The following SLC25A48 variants were observed in gnomAD, a reference collection of about 807,000 sequenced individuals.
The protein encoded by SLC25A48 is solute carrier family 25 member 48, also known as CTC-321K16.1.
SLC25A48 carries 29 observed loss-of-function variants against 32.2 expected under a neutral mutation model. The ratio of observed to expected loss-of-function variants is 0.90; its 90% confidence interval spans 0.67 to 1.23. The LOEUF (loss-of-function observed/expected upper bound fraction) is 1.23, where lower values mean the gene tolerates loss of function less well. Ranked by LOEUF, SLC25A48 falls within the 50% of genes most tolerant of loss-of-function variation. The pLI is 0.00. For missense variants in SLC25A48, 399 were observed against 422.7 expected, an observed-to-expected ratio of 0.94 and a Z score of 0.49; for synonymous variants, 164 against 172.3, an observed-to-expected ratio of 0.95 and a Z score of 0.38.
intron 3 of SLC25A48, among the ~76,000 whole-genome samples, chr5:135,756,476 C>G (rs1755909618): frequency 6.6e-6 from 1 of 151,958 alleles, no homozygotes; most frequent in South Asian, 2.1e-4. Context: ...GAGTTTGAGA[C>G]CAGCCTGGCC....
rs1756733525 is a variant in SLC25A48, at chr5:135,782,306, G to T, written c.-520-30217G>T. ...ATGGTGTTGTTTTCAATATCTAGGT[G>T]GGGAGAAGATAATATTACTTTTAAT... On this transcript the variant is annotated intron_variant, in intron 3 of 10. Transcript: ENST00000646290. Among the ~76,000 whole-genome samples the T allele has an allele frequency of 1.7e-5, 2 of 116,484 alleles. 1 individual carries two copies. Among genetic ancestry groups the T allele is most frequent in the Middle Eastern group, 9.2e-3 (2 of 218 alleles). The allele number at this position is 116,484 out of a possible 152,430, so 76.4% of individuals were successfully genotyped here.
At chr5:135,887,607 C>T (rs149663894) in intron 7 of SLC25A48, among the ~76,000 whole-genome samples, 1 of 152,178 alleles carries the variant, frequency 6.6e-6, no homozygotes, top group East Asian at 1.9e-4. Context: ...TGGGAGTGCA[C>T]GATCTTGGCC....
chr5:135,883,596 C>T, intron 7 of SLC25A48: 1 of 581,912 alleles, frequency 1.7e-6, no homozygotes, highest in Non-Finnish European at 2.2e-6. Flanking sequence ...AGAAACTGAG[C>T]CGGGGCAGCC....
chr5:135,680,833 T>G (rs1414917303), intron 3 of SLC25A48, among the ~76,000 whole-genome samples: 1 of 152,236 alleles, frequency 6.6e-6, no homozygotes, highest in Admixed American at 6.5e-5. Context: ...CAAGTCATTA[T>G]TTCTTTAAGC....
intron 1 of SLC25A48, among the ~76,000 whole-genome samples, chr5:135,624,027 TG>T (rs1561762953): frequency 6.6e-6 from 1 of 152,182 alleles, no homozygotes; most frequent in Non-Finnish European, 1.5e-5. Flanking sequence ...GGAGAGGCTC[TG>T]GGGATGGAAA....
upstream of SLC25A48, among the ~76,000 whole-genome samples, chr5:135,832,774 T>C (rs974481229): frequency 3.3e-5 from 5 of 152,148 alleles, no homozygotes; most frequent in Admixed American, 3.3e-4. Context: ...GCATAGCCCA[T>C]CTGCATGTCC....
chr5:135,777,784 CG>C (rs55658230), intron 3 of SLC25A48, among the ~76,000 whole-genome samples: 56,456 of 141,666 alleles, frequency 0.4, 12,495 homozygotes, highest in Non-Finnish European at 0.51. Context: ...TCCTAATATC[CG>C]GGGGGGGGGG....
At chr5:135,863,786 G>A (rs922490319) in intron 4 of SLC25A48, among the ~76,000 whole-genome samples, 1 of 152,152 alleles carries the variant, frequency 6.6e-6, no homozygotes, top group Non-Finnish European at 1.5e-5. Context: ...ACTGAGTCCT[G>A]AGAAACTGGT....
chr5:135,870,729 C>G (rs1203321622), intron 4 of SLC25A48, among the ~76,000 whole-genome samples: 1 of 152,062 alleles, frequency 6.6e-6, no homozygotes, highest in Non-Finnish European at 1.5e-5. Context: ...TTTTAAGCCC[C>G]TACAATGTTC....
At chr5:135,680,977 T>A (rs1753882927) in intron 3 of SLC25A48, among the ~76,000 whole-genome samples, 1 of 152,208 alleles carries the variant, frequency 6.6e-6, no homozygotes, top group East Asian at 1.9e-4. Context: ...TTTCATTTTC[T>A]TTTTCTTTTT....
At chr5:135,675,069 C>T (rs988952968) in intron 3 of SLC25A48, among the ~76,000 whole-genome samples, 6 of 151,200 alleles carry the variant, frequency 4.0e-5, no homozygotes, top group African/African-American at 1.5e-4. Context: ...AAAGATGATA[C>T]CTCATTGTGG....
intron 5 of SLC25A48, chr5:135,872,058 T>C: frequency 8.4e-7 from 1 of 1,196,960 alleles, no homozygotes; most frequent in Non-Finnish European, 1.1e-6. Context: ...AAGGATGCCA[T>C]TAGTTCTACA....
chr5:135,868,871 A>C (rs1352095663), intron 4 of SLC25A48, among the ~76,000 whole-genome samples: 2 of 152,184 alleles, frequency 1.3e-5, no homozygotes, highest in African/African-American at 4.8e-5. Context: ...AAGCCACATC[A>C]TACCCATAGC....
At chr5:135,631,175 C>T (rs780638160) in intron 2 of SLC25A48, among the ~76,000 whole-genome samples, 18 of 152,136 alleles carry the variant, frequency 1.2e-4, no homozygotes, top group Admixed American at 3.9e-4. Flanking sequence ...CTGGGCTGAG[C>T]GTGGGGTTCT....
intron 3 of SLC25A48, among the ~76,000 whole-genome samples, chr5:135,677,589 T>C (rs1217966943): frequency 2.6e-5 from 4 of 152,168 alleles, no homozygotes; most frequent in Non-Finnish European, 5.9e-5. Flanking sequence ...TTTCTCTTCC[T>C]CATTTGTGTA....
intron 4 of SLC25A48, among the ~76,000 whole-genome samples, chr5:135,856,941 G>A (rs755395719): frequency 6.6e-5 from 10 of 152,206 alleles, no homozygotes; most frequent in African/African-American, 1.4e-4. Flanking sequence ...TTTGGGGTTC[G>A]GTTGTTGGAA....
At chr5:135,763,609 G>A (rs560446035) in intron 3 of SLC25A48, among the ~76,000 whole-genome samples, 4 of 152,204 alleles carry the variant, frequency 2.6e-5, no homozygotes, top group East Asian at 1.9e-4. Context: ...GATCAAATGA[G>A]CCCTCAGCAC....
chr5:135,852,924 C>T, intron 4 of SLC25A48, 103 bp downstream of exon 4: 3 of 1,433,398 alleles, frequency 2.1e-6, no homozygotes, highest in East Asian at 4.9e-5. Context: ...TTGAGCAAGG[C>T]ATCTACCTTG....
chr5:135,702,946 CCTT>C (rs1407301257), intron 3 of SLC25A48, among the ~76,000 whole-genome samples: 1 of 152,180 alleles, frequency 6.6e-6, no homozygotes, highest in African/African-American at 2.4e-5. Flanking sequence ...CGGGAAAACA[CCTT>C]CTTTTTGAGT....
Sources: allele counts gnomAD v4.1 joint callset (sites outside exome capture counted in the v4.1 genomes callset), GRCh38; gene constraint gnomAD v4.1.1; transcripts MANE v1.5; gene names NCBI Gene and HGNC (gene_info 2026-07-23, HGNC 2026-07-21).